The following IQSEC3 variants were observed in gnomAD, a reference collection of about 807,000 sequenced individuals.
IQSEC3 encodes IQ motif and SEC7 domain-containing protein 3.
A neutral mutation model predicts 105.4 loss-of-function variants in IQSEC3; 50 were observed. The ratio of observed to expected loss-of-function variants is 0.47; its 90% CI spans 0.38 to 0.60. The LOEUF is 0.60. Among genes scored for constraint, IQSEC3 ranks in the 20% least tolerant of loss-of-function variants. IQSEC3 has a pLI of 0.00. For missense variants in IQSEC3, 1,415 were observed against 1,630.0 expected (o/e 0.87, Z 2.27); for synonymous variants, 708 against 746.0 (o/e 0.95, Z 0.83).
chr12:164,023 GGT>G (rs375750823), intron 9 of IQSEC3, among the ~76,000 whole-genome samples: 1 of 152,030 alleles, frequency 6.6e-6, no homozygotes, highest in Non-Finnish European at 1.5e-5. Context: ...AGGCGAGGCT[GGT>G]GTGTGTGTGT....
Position 165,391 on chromosome 12 carries a change from G to A in IQSEC3, c.2710-43G>A, listed in dbSNP as rs782288075. On this transcript the variant is annotated intron_variant, in intron 9 of 13. Transcript: ENST00000538872. Reference sequence around the variant, plus strand: ...TGTTTGTGCATCCATGTGTCCGTGAGTGTCTGTTCATCAGGGCATGCCTGT... The same window carrying A: ...TGTTTGTGCATCCATGTGTCCGTGAATGTCTGTTCATCAGGGCATGCCTGT... The A allele has an allele frequency of 2.0e-6, 3 of 1,473,132 alleles. No homozygotes were observed. In the South Asian group the frequency reaches 3.4e-5, roughly 17 times the overall value. 91.3% of individuals were successfully genotyped at this position (1,473,132 alleles called of 1,614,324 possible).
At chr12:130,530 G>A (rs1865553053) in intron 3 of IQSEC3, among the ~76,000 whole-genome samples, 1 of 152,186 alleles carries the variant, frequency 6.6e-6, no homozygotes, top group Non-Finnish European at 1.5e-5. Flanking sequence ...GGCACACAGG[G>A]TCTGTGGAGC....
Position 171,172 on chromosome 12 carries a change from C to T in IQSEC3, c.3114+11C>T. The T allele has an allele frequency of 1.2e-6, 2 of 1,614,110 alleles. No individual in the cohort carries two copies. The highest frequency in any genetic ancestry group is 1.7e-6 in the Non-Finnish European group (2 of 1,179,988). ...GAGAGCACGGTGGAGGTAAGTGGAG[C>T]CCTGGTTGCCCAGGTGAGTGACTAC... is the stretch of plus-strand genomic sequence containing the variant. On this transcript the variant is annotated intron_variant, in intron 13 of 13. Coordinates refer to ENST00000538872, the MANE Select transcript of IQSEC3 (RefSeq NM_001170738.2).
At chr12:139,465 G>T in intron 4 of IQSEC3, 111 bp downstream of exon 4, 1 of 853,018 alleles carries the variant, frequency 1.2e-6, no homozygotes, top group Non-Finnish European at 1.8e-6. Context: ...CCCACGTCAT[G>T]CCAGGGTCCT....
chr12:115,505 G>C (rs1221941022), intron 2 of IQSEC3, among the ~76,000 whole-genome samples: 2 of 152,158 alleles, frequency 1.3e-5, no homozygotes, highest in African/African-American at 4.8e-5. Context: ...AATGAGACAA[G>C]GTCCCTGCTC....
chr12:147,437 G>A (rs1429273127), intron 5 of IQSEC3, among the ~76,000 whole-genome samples: 1 of 152,216 alleles, frequency 6.6e-6, no homozygotes, highest in African/African-American at 2.4e-5. Flanking sequence ...GAACAGAGAG[G>A]TTGGGGAGCT....
At chr12:81,916 G>A (rs76093948) in intron 1 of IQSEC3, among the ~76,000 whole-genome samples, 86 of 152,322 alleles carry the variant, frequency 5.6e-4, no homozygotes, top group African/African-American at 1.8e-3. Flanking sequence ...CTGCTGAAAC[G>A]TGGAGGATGC....
At chr12:100,634 T>C (rs570115528) in intron 2 of IQSEC3, among the ~76,000 whole-genome samples, 85 of 152,100 alleles carry the variant, frequency 5.6e-4, no homozygotes, top group African/African-American at 2.0e-3. Flanking sequence ...AAGCCAACCA[T>C]GTTGGAGATG....
At chr12:77,786 A>G (rs1399348893) in intron 1 of IQSEC3, 1 of 148,566 alleles carries the variant, frequency 6.7e-6, no homozygotes, top group Non-Finnish European at 1.5e-5. Context: ...GTGTCCCCTC[A>G]GTCCCTGCGC....
chr12:151,015 G>A (rs532514260), intron 5 of IQSEC3, among the ~76,000 whole-genome samples: 1 of 150,208 alleles, frequency 6.7e-6, no homozygotes, highest in African/African-American at 2.5e-5. Context: ...CAGGCCCCTG[G>A]GTGCTCCTGA....
At chr12:77,891 C>T (rs1555069674) in intron 1 of IQSEC3, among the ~76,000 whole-genome samples, 2 of 151,116 alleles carry the variant, frequency 1.3e-5, no homozygotes, top group African/African-American at 2.4e-5. Context: ...GTCGGGATCT[C>T]GGCGGCGTGG....
chr12:166,896 G>A (rs1555098646), intron 11 of IQSEC3: 1 of 152,256 alleles, frequency 6.6e-6, no homozygotes, highest in East Asian at 1.9e-4. Flanking sequence ...CTCTGCAGCT[G>A]AGGCTCGGAG....
chr12:88,184 C>G (rs1863977350), intron 1 of IQSEC3, among the ~76,000 whole-genome samples: 1 of 152,140 alleles, frequency 6.6e-6, no homozygotes, highest in Non-Finnish European at 1.5e-5. Flanking sequence ...TAAAACTAAC[C>G]AAATCAGAGC....
chr12:114,149 C>T lies in IQSEC3; in HGVS notation c.624-11484C>T, dbSNP rs781816986. On this transcript the variant is annotated intron_variant, in intron 2 of 13. Coordinates refer to ENST00000538872, the MANE Select transcript of IQSEC3 (RefSeq NM_001170738.2). ...TCCAGCATCTAGTAAGGACTGCATA[C>T]GTGCTAGCTATGTTAAAGCTGGATT... 7.2e-5 allele frequency among the ~76,000 whole-genome samples: 11 copies of T among 152,302 alleles called. No individual in the cohort carries two copies. In the Middle Eastern group the frequency reaches 0.017, roughly 235 times the overall value.
intron 1 of IQSEC3, among the ~76,000 whole-genome samples, chr12:69,776 G>T (rs1245161735): frequency 6.6e-6 from 1 of 152,252 alleles, no homozygotes. Context: ...TCCCCACAGA[G>T]CTCAGGACGG....
chr12:157,439 G>A lies in IQSEC3; in HGVS notation c.2277-89G>A. On this transcript the variant is annotated intron_variant, in intron 6 of 13. Transcript: ENST00000538872. The stretch of plus-strand genomic sequence containing the variant: ...GGACCTAAAGCCTTCGGAGAGCTGG[G>A]ATACCCCCTGGACACCCCCTTCCTT... 3 of 1,329,986 alleles carry A rather than the reference G, an allele frequency of 2.3e-6. No homozygotes were observed. In the South Asian group the frequency reaches 4.3e-5, roughly 19 times the overall value. The allele number at this position is 1,329,986 out of a possible 1,614,324, so 82.4% of individuals were successfully genotyped here. A position where few individuals can be genotyped will look rare whatever the true frequency, so the allele number is the denominator to read the frequency against.
chr12:115,975 T>A (rs1555080536), intron 2 of IQSEC3, among the ~76,000 whole-genome samples: 1 of 152,232 alleles, frequency 6.6e-6, no homozygotes, highest in Non-Finnish European at 1.5e-5. Flanking sequence ...TTGTCCTTTG[T>A]TCTGAAATTA....
In IQSEC3 at chr12:139,346, C is replaced by A; in HGVS notation, c.1983C>A (p.Leu661=). ...RKRLYRIGLN[L]FNINPDKGIQ... is the part of the protein sequence containing the mutation. Reference sequence around the variant, plus strand: ...GGCTCTACCGCATCGGCCTCAACCTCTTCAACATGTAAGTCAGCCCCGGCC... The same window carrying A: ...GGCTCTACCGCATCGGCCTCAACCTATTCAACATGTAAGTCAGCCCCGGCC... The change falls in exon 4 of 14, where the codon CTC becomes CTA. Residue 661 remains leucine, a synonymous_variant. Coordinates refer to ENST00000538872, the MANE Select transcript of IQSEC3 (RefSeq NM_001170738.2). 6.4e-7 allele frequency: 1 copy of A among 1,563,832 alleles called. No homozygotes were observed. Among genetic ancestry groups the A allele is most frequent in the South Asian group, 1.2e-5 (1 of 85,154 alleles).
chr12:83,386 A>G (rs1863811942), intron 1 of IQSEC3, among the ~76,000 whole-genome samples: 1 of 152,128 alleles, frequency 6.6e-6, no homozygotes, highest in Non-Finnish European at 1.5e-5. Context: ...TCACACACGT[A>G]TAACAGAAAT....
Sources: allele counts gnomAD v4.1 joint callset (sites outside exome capture counted in the v4.1 genomes callset), GRCh38; gene constraint gnomAD v4.1.1; transcripts MANE v1.5; gene names NCBI Gene and HGNC (gene_info 2026-07-23, HGNC 2026-07-21).